Variants in KIAA1671 observed in about 807,000 individuals in gnomAD.
The protein encoded by KIAA1671 is KIAA1671.
A neutral mutation model predicts 131.2 loss-of-function variants in KIAA1671; 52 were observed. The ratio of observed to expected loss-of-function variants is 0.40; its 90% CI spans 0.32 to 0.50. KIAA1671 has a LOEUF of 0.50. Ranked by LOEUF, KIAA1671 falls within the 20% of genes least tolerant of loss-of-function variation. The pLI, the probability that KIAA1671 is intolerant of heterozygous loss-of-function variation, is 0.73. For missense variants in KIAA1671, 2,360 were observed against 2,364.2 expected, an observed-to-expected ratio of 1.00 and a Z score of 0.04; for synonymous variants, 1,003 against 961.6, an observed-to-expected ratio of 1.04 and a Z score of -0.80.
intron 6 of KIAA1671, among the ~76,000 whole-genome samples, chr22:25,087,917 AG>A (rs1929819558): frequency 6.6e-6 from 1 of 152,194 alleles, no homozygotes; most frequent in African/African-American, 2.4e-5. Flanking sequence ...GAGATCTGGC[AG>A]GGAACCAACA....
chr22:25,049,291 A>T lies in KIAA1671; in HGVS notation c.4457A>T (p.Gln1486Leu), dbSNP rs963354776. The change falls in exon 6 of 13, where the codon CAG becomes CTG. Residue 1486 changes from glutamine (Q) to leucine (L), a missense_variant. Around this residue, in one of 3 missense-constraint regions of KIAA1671, gnomAD observed 1,161 missense variants for 1,204.7 expected, o/e 0.96. Coordinates refer to ENST00000358431, the MANE Select transcript of KIAA1671 (RefSeq NM_001145206.2). ...CAGGAGAAGGAGCGACCGCTCCAGCAGGTGTCCCCTGTGGCCTCGGTTCCC... is the reference window on the plus strand; with the variant it reads ...CAGGAGAAGGAGCGACCGCTCCAGCTGGTGTCCCCTGTGGCCTCGGTTCCC... Reference protein sequence around the residue: ...APQEKERPLQQVSPVASVPWR... With the variant: ...APQEKERPLQLVSPVASVPWR... 1.9e-6 allele frequency: 3 copies of T among 1,551,888 alleles called. No homozygotes were observed. The Admixed American group carries it at 5.9e-5, about 30-fold the overall frequency.
chr22:25,130,837 A>C (rs1932412457), intron 6 of KIAA1671, among the ~76,000 whole-genome samples: 1 of 152,184 alleles, frequency 6.6e-6, no homozygotes, highest in Non-Finnish European at 1.5e-5. Flanking sequence ...CCCATGCCTG[A>C]ATGTCAGGGG....
At chr22:25,116,807 A>G (rs1931688026) in intron 6 of KIAA1671, among the ~76,000 whole-genome samples, 1 of 152,208 alleles carries the variant, frequency 6.6e-6, no homozygotes, top group East Asian at 1.9e-4. Context: ...TCCTGCCTTC[A>G]CAGAGCTGCC....
chr22:25,039,820 C>A lies in KIAA1671; in HGVS notation c.2690C>A (p.Ser897Tyr). The A allele has an allele frequency of 1.3e-6, 2 of 1,533,458 alleles. No individual in the cohort carries two copies. The highest frequency in any genetic ancestry group is 1.8e-6 in the Non-Finnish European group (2 of 1,136,052). The allele number at this position is 1,533,458 out of a possible 1,614,324, so 95.0% of individuals were successfully genotyped here. ...AGGGCTACGAATGGGCCTTCTGACT[C>A]CCAAGCACGAACACATCCAGATGCA... ...LSRATNGPSD[S>Y]QARTHPDAFA... Residue 897 changes from serine to tyrosine, a missense_variant, in exon 5 of 13, where the codon TCC becomes TAC. This residue lies in a region of KIAA1671 where 1,161 missense variants were observed against 1,204.7 expected (regional missense o/e 0.96). Coordinates refer to ENST00000358431, the MANE Select transcript of KIAA1671 (RefSeq NM_001145206.2).
chr22:25,089,018 G>A (rs1929881843), intron 6 of KIAA1671, among the ~76,000 whole-genome samples: 5 of 152,146 alleles, frequency 3.3e-5, no homozygotes, highest in Admixed American at 3.3e-4. Flanking sequence ...AACATGTACT[G>A]ACTTTTCTTT....
chr22:24,956,891 A>C (rs1032636268), intron 1 of KIAA1671, among the ~76,000 whole-genome samples: 2 of 150,002 alleles, frequency 1.3e-5, no homozygotes, highest in Non-Finnish European at 3.0e-5. Context: ...AAAAAAAAGA[A>C]GGGAGGGAGG....
chr22:25,077,832 C>G (rs921127759), intron 6 of KIAA1671, among the ~76,000 whole-genome samples: 1 of 152,210 alleles, frequency 6.6e-6, no homozygotes, highest in Admixed American at 6.5e-5. Flanking sequence ...TCCCCAGACC[C>G]TCTTGCTACT....
chr22:25,069,884 C>T (rs1301390178), intron 6 of KIAA1671: 2 of 153,044 alleles, frequency 1.3e-5, no homozygotes, highest in African/African-American at 4.8e-5. Context: ...AAAACACACT[C>T]GTATGCACAC....
At chr22:25,026,375 G>A (rs1386798290) in intron 2 of KIAA1671, among the ~76,000 whole-genome samples, 2 of 152,244 alleles carry the variant, frequency 1.3e-5, no homozygotes, top group East Asian at 1.9e-4. Flanking sequence ...CTGGGGGATC[G>A]AGAACAGCAA....
chr22:25,183,515 CTCCT>C (rs1293676568), intron 10 of KIAA1671, among the ~76,000 whole-genome samples: 21 of 127,984 alleles, frequency 1.6e-4, no homozygotes, highest in South Asian at 5.5e-4. Context: ...TCCTTGTTCT[CTCCT>C]TCCTTCCTTC....
intron 3 of KIAA1671, among the ~76,000 whole-genome samples, chr22:25,031,111 C>A (rs1345204683): frequency 1.3e-5 from 2 of 152,104 alleles, no homozygotes; most frequent in Non-Finnish European, 2.9e-5. Context: ...ACTGCAACCT[C>A]CACCTCCCGG....
At chr22:25,031,281 C>T (rs1926276883) in intron 3 of KIAA1671, among the ~76,000 whole-genome samples, 1 of 151,476 alleles carries the variant, frequency 6.6e-6, no homozygotes, top group Admixed American at 6.6e-5. Context: ...GCTGCAAGCT[C>T]CGCCTCCCAG....
chr22:25,127,242 C>T (rs774829537), intron 6 of KIAA1671, among the ~76,000 whole-genome samples: 2 of 152,216 alleles, frequency 1.3e-5, no homozygotes, highest in Non-Finnish European at 2.9e-5. Context: ...TCTGCCTGGC[C>T]TCCCTTTTGG....
intron 5 of KIAA1671, 140 bp downstream of exon 5, chr22:25,041,665 G>T (rs1179886216): frequency 4.7e-6 from 4 of 859,720 alleles, no homozygotes; most frequent in Admixed American, 2.9e-5. Context: ...CCAGGGAGGG[G>T]TATGGATTGT....
intron 6 of KIAA1671, among the ~76,000 whole-genome samples, chr22:25,166,504 G>C (rs1933649960): frequency 6.6e-6 from 1 of 152,090 alleles, no homozygotes; most frequent in African/African-American, 2.4e-5. Context: ...GGTTTCTAGG[G>C]GGCCCCTGCA....
At chr22:24,954,284 C>T (rs966980512) in intron 1 of KIAA1671, among the ~76,000 whole-genome samples, 3 of 152,168 alleles carry the variant, frequency 2.0e-5, no homozygotes, top group African/African-American at 7.2e-5. Flanking sequence ...TTTCCCTCTG[C>T]TAATCCATCA....
intron 1 of KIAA1671, among the ~76,000 whole-genome samples, chr22:25,005,941 TCTCCAACA>T (rs1924726685): frequency 6.6e-6 from 1 of 152,112 alleles, no homozygotes; most frequent in Non-Finnish European, 1.5e-5. Flanking sequence ...CTTTGCATGC[TCTCCAACA>T]GCATACCTAG....
chr22:24,953,577 GTCCCCGCCCC>G (rs1921533680), intron 1 of KIAA1671, among the ~76,000 whole-genome samples: 1 of 151,996 alleles, frequency 6.6e-6, no homozygotes. Flanking sequence ...GGCCCGCGTG[GTCCCCGCCCC>G]GATGGCGGCG....
At position 25,181,840 on chromosome 22, in the gene KIAA1671, CA is replaced by C. The variant is rs1934287759; in HGVS notation, c.5199+19del. 2 of 1,549,322 alleles carry C rather than the reference CA, an allele frequency of 1.3e-6. No individual in the cohort carries two copies. The highest frequency in any genetic ancestry group is 1.4e-5 in the African/African-American group (1 of 72,996). ...GTGCTAAAGGTACCAGACCTCTCAC[CA>C]AGAGTCACCTGGTGGGCATGATCCT... is the stretch of plus-strand genomic sequence containing the variant. On this transcript the variant is annotated intron_variant, in intron 10 of 12. Transcript: ENST00000358431.
Sources: allele counts gnomAD v4.1 joint callset (sites outside exome capture counted in the v4.1 genomes callset), GRCh38; gene constraint gnomAD v4.1.1; regional missense constraint gnomAD v4.1.1; transcripts MANE v1.5; gene names NCBI Gene and HGNC (gene_info 2026-07-23, HGNC 2026-07-21).